TRIM36: variants seen among roughly 807,000 people sequenced by gnomAD.
TRIM36 encodes tripartite motif containing 36.
TRIM36 carries 42 observed loss-of-function variants against 72.4 expected under a neutral mutation model. The ratio of observed to expected loss-of-function variants is 0.58; its 90% CI spans 0.45 to 0.75. The LOEUF is 0.75. TRIM36 is among the 30% of genes least tolerant of loss of function. TRIM36 has a pLI of 0.00. For synonymous variants in TRIM36, 315 were observed against 282.8 expected (o/e 1.11, Z -1.14); for missense variants, 913 against 857.1 (o/e 1.07, Z -0.81).
chr5:115,138,962 C>A (rs1273382667), intron 5 of TRIM36, among the ~76,000 whole-genome samples: 2 of 147,288 alleles, frequency 1.4e-5, no homozygotes, highest in African/African-American at 5.0e-5. Context: ...ACTACGGGCG[C>A]CCGCCACCAC....
intron 2 of TRIM36, among the ~76,000 whole-genome samples, chr5:115,155,448 TC>T (rs1270980243): frequency 6.6e-6 from 1 of 151,974 alleles, no homozygotes; most frequent in Non-Finnish European, 1.5e-5. Flanking sequence ...CAACAACATA[TC>T]AAAAAGATAA....
intron 3 of TRIM36, among the ~76,000 whole-genome samples, chr5:115,145,474 T>C (rs1257834543): frequency 6.6e-6 from 1 of 152,204 alleles, no homozygotes; most frequent in Admixed American, 6.5e-5. Flanking sequence ...TCCAACAGAT[T>C]AGATTTTAAG....
chr5:115,147,817 A>T (rs1435260556), intron 2 of TRIM36, among the ~76,000 whole-genome samples: 2 of 152,240 alleles, frequency 1.3e-5, no homozygotes, highest in Non-Finnish European at 2.9e-5. Context: ...ATCGATACAT[A>T]AAAGAGCAGG....
chr5:115,163,495 C>G (rs754316136), intron 2 of TRIM36, 23 bp downstream of exon 2: 1 of 1,602,180 alleles, frequency 6.2e-7, no homozygotes, highest in Non-Finnish European at 8.6e-7. Flanking sequence ...ACTACCATCC[C>G]AGCCCACAGT....
At chr5:115,153,845 G>A (rs1344015727) in intron 2 of TRIM36, 1 of 152,154 alleles carries the variant, frequency 6.6e-6, no homozygotes, top group Non-Finnish European at 1.5e-5. Context: ...ACAGTTACAT[G>A]CACAACATTC....
upstream of TRIM36, among the ~76,000 whole-genome samples, chr5:115,173,348 C>G (rs1755200324): frequency 6.6e-6 from 1 of 152,142 alleles, no homozygotes; most frequent in East Asian, 1.9e-4. Context: ...CTCCGCATGC[C>G]TAGATTACAA....
intron 2 of TRIM36, among the ~76,000 whole-genome samples, chr5:115,155,192 AAAAT>A (rs150966551): frequency 0.068 from 10,296 of 152,046 alleles, 756 homozygotes; most frequent in East Asian, 0.33. Flanking sequence ...ACTGTTTAAA[AAAAT>A]AATTAGCCAG....
rs1752314484 is a variant in TRIM36, at chr5:115,125,127, T to C, written c.*1376A>G. 1 of 152,302 alleles carries C rather than the reference T, an allele frequency of 6.6e-6. No individual in the cohort carries two copies. Among genetic ancestry groups the C allele is most frequent in the African/African-American group, 2.4e-5 (1 of 41,424 alleles). The allele number at this position is 152,302 out of a possible 1,614,324, so 9.4% of individuals were successfully genotyped here. ...GAGTAACAGATTTCCATTAAAAATA[T>C]AACAACAAGGACAACCAAAAAAAAC... On this transcript the variant is annotated 3_prime_UTR_variant, in exon 10 of 10. Coordinates refer to ENST00000513154, the MANE Select transcript of TRIM36 (RefSeq NM_001300759.2).
chr5:115,143,654 TAGAC>T (rs935178404), intron 4 of TRIM36, among the ~76,000 whole-genome samples: 8 of 149,432 alleles, frequency 5.4e-5, no homozygotes, highest in African/African-American at 7.7e-5. Context: ...TATATGCAAT[TAGAC>T]AGAGGCAAAA....
rs761783202 is a variant in TRIM36 at position 115,147,370 on chromosome 5, G to A, written c.287C>T (p.Pro96Leu). 19 of 1,612,330 alleles carry A rather than the reference G, an allele frequency of 1.2e-5. No homozygotes were observed. The highest frequency in any genetic ancestry group is 2.2e-5 in the East Asian group (1 of 44,856). ...RPGWKRNSLT[P>L]RTTVFPCPGC... ...AGGGCAAGGGAAAACAGTTGTCCTCGGGGTCAATGAATTGCGCTTCCAGCC... is the reference window on the plus strand; with the variant it reads ...AGGGCAAGGGAAAACAGTTGTCCTCAGGGTCAATGAATTGCGCTTCCAGCC... The change falls in exon 3 of 10, where the codon CCG becomes CTG. Residue 96 changes from proline to leucine, a missense_variant. By Grantham distance (98) the Pro-to-Leu change is moderately conservative (BLOSUM62 -3). Transcript: ENST00000513154.
intron 5 of TRIM36, among the ~76,000 whole-genome samples, chr5:115,140,947 T>G (rs561643504): frequency 1.3e-5 from 2 of 152,308 alleles, no homozygotes; most frequent in South Asian, 4.1e-4. Context: ...TCTATTAATT[T>G]TTTAAAATAT....
upstream of TRIM36, among the ~76,000 whole-genome samples, chr5:115,171,720 A>G (rs565643429): frequency 2.6e-5 from 4 of 152,242 alleles, no homozygotes; most frequent in Non-Finnish European, 5.9e-5. Flanking sequence ...CCATTTTGCA[A>G]ATCAGACTTC....
At chr5:115,146,140 A>G (rs1420974178) in intron 3 of TRIM36, among the ~76,000 whole-genome samples, 9 of 152,224 alleles carry the variant, frequency 5.9e-5, no homozygotes, top group Admixed American at 5.9e-4. Flanking sequence ...AACATAATAC[A>G]GGATTAAAAG....
chr5:115,135,479 T>TAAA (rs11409468), intron 7 of TRIM36, among the ~76,000 whole-genome samples: 1 of 143,330 alleles, frequency 7.0e-6, no homozygotes, highest in African/African-American at 2.6e-5. Context: ...CATAGCTTAC[T>TAAA]AAAAAAAAAA....
At chr5:115,166,678 T>C (rs1478346548) in intron 1 of TRIM36, among the ~76,000 whole-genome samples, 3 of 152,170 alleles carry the variant, frequency 2.0e-5, no homozygotes, top group Non-Finnish European at 4.4e-5. Context: ...CTCGCCATGT[T>C]GTGGGTGACG....
At chr5:115,168,008 A>T (rs946239876) in intron 1 of TRIM36, among the ~76,000 whole-genome samples, 18 of 152,234 alleles carry the variant, frequency 1.2e-4, no homozygotes, top group African/African-American at 4.3e-4. Flanking sequence ...AGAACAGAGA[A>T]TACTGCCTTA....
chr5:115,143,336 T>C (rs1753389183), intron 4 of TRIM36, among the ~76,000 whole-genome samples: 1 of 149,140 alleles, frequency 6.7e-6, no homozygotes, highest in Admixed American at 6.7e-5. Flanking sequence ...TAAAATTAAA[T>C]GCTGTTCTGT....
At chr5:115,175,982 C>T (rs1474707326) in intron 1 of TRIM36, among the ~76,000 whole-genome samples, 2 of 151,990 alleles carry the variant, frequency 1.3e-5, no homozygotes, top group East Asian at 3.9e-4. Context: ...AAAAATTAGC[C>T]GGGCATGGTG....
At chr5:115,158,462 C>A (rs538995181) in intron 2 of TRIM36, among the ~76,000 whole-genome samples, 18 of 152,306 alleles carry the variant, frequency 1.2e-4, no homozygotes, top group Non-Finnish European at 2.5e-4. Context: ...AGAGTCAGTT[C>A]ATAACTAACA....
Sources: gnomAD v4.1 joint callset for allele counts (sites outside exome capture counted in the v4.1 genomes callset) on GRCh38, gnomAD v4.1.1 for gene constraint, MANE v1.5 for transcripts, NCBI Gene and HGNC (gene_info 2026-07-23, HGNC 2026-07-21) for gene names.